The following STRA6 variants were observed in gnomAD, a reference collection of about 807,000 sequenced individuals.
STRA6 encodes the protein signaling receptor and transporter of retinol STRA6, also known as receptor for retinol uptake STRA6.
In STRA6, 48 loss-of-function variants were observed where a neutral mutation model predicts 83.6. The ratio of observed to expected loss-of-function variants is 0.57; its 90% CI spans 0.46 to 0.73. The LOEUF (loss-of-function observed/expected upper bound fraction) is 0.73. STRA6 is among the 30% of genes least tolerant of loss of function. The probability of loss-of-function intolerance (pLI) is 0.00; values close to 1 mark genes in which losing one functional copy is unlikely to be tolerated. For synonymous variants in STRA6, 353 were observed against 362.3 expected (o/e 0.97, Z 0.29); for missense variants, 760 against 838.8 (o/e 0.91, Z 1.16).
chr15:74,211,126 T>A (rs2629727), upstream of STRA6, among the ~76,000 whole-genome samples: 72,851 of 134,986 alleles, frequency 0.54, 18,048 homozygotes, highest in South Asian at 0.74. Context: ...TTGCCAGAGA[T>A]TCCCCCCCAC....
intron 2 of STRA6, 66 bp from the exon 3 acceptor site, chr15:74,197,884 G>T (rs2073894865): frequency 3.4e-5 from 53 of 1,546,960 alleles, no homozygotes; most frequent in Non-Finnish European, 4.7e-5. Flanking sequence ...GATGGGTCTG[G>T]GGTTCAAGAC....
intron 6 of STRA6, 47 bp from the exon 7 acceptor site, chr15:74,195,515 T>A (rs903206098): frequency 6.2e-7 from 1 of 1,604,522 alleles, no homozygotes; most frequent in Non-Finnish European, 8.5e-7. Context: ...GGGGCAGACA[T>A]GGGGCCTGCA....
intron 2 of STRA6, among the ~76,000 whole-genome samples, chr15:74,198,169 C>T (rs1414585252): frequency 1.3e-5 from 2 of 151,760 alleles, no homozygotes; most frequent in African/African-American, 2.4e-5. Flanking sequence ...TGCAGTGGCT[C>T]GATCTCGGCT....
intron 4 of STRA6, 131 bp downstream of exon 4, chr15:74,197,207 C>T: frequency 1.5e-6 from 1 of 679,804 alleles, no homozygotes; most frequent in South Asian, 1.8e-5. Flanking sequence ...AGGAAAGCTC[C>T]AGGCTGAGGG....
chr15:74,188,382 C>T lies in STRA6; in HGVS notation c.1090+733G>A, dbSNP rs73431469. On this transcript the variant is annotated intron_variant, in intron 12 of 18. Coordinates refer to ENST00000395105, the MANE Select transcript of STRA6 (RefSeq NM_022369.4). The surrounding 1 kb of genome is among the most constrained non-coding windows in gnomAD (Gnocchi z 4.5). ...CAAGTAAGCAGAAGGCGCATGCCTC[C>T]TGAGTCCTCAGCACCGGGCTTTGTC... Among the ~76,000 whole-genome samples, 3,437 of 152,356 alleles carry T rather than the reference C, an allele frequency of 0.023. 142 individuals are homozygous for T. Among genetic ancestry groups the T allele is most frequent in the African/African-American group, 0.077 (3,209 of 41,576 alleles).
chr15:74,180,731 TAGA>T (rs1567176385), intron 18 of STRA6, 48 bp downstream of exon 18: 1 of 1,563,162 alleles, frequency 6.4e-7, no homozygotes, highest in Non-Finnish European at 8.7e-7. Context: ...ACATCCTTCC[TAGA>T]AGAAGCTGGG....
chr15:74,210,492 T>G (rs573519514), upstream of STRA6, among the ~76,000 whole-genome samples: 1 of 152,354 alleles, frequency 6.6e-6, no homozygotes, highest in East Asian at 1.9e-4. Context: ...CATATGTGTA[T>G]GTATGTGTGT....
At chr15:74,196,481 C>G (rs2073828795) in intron 4 of STRA6, among the ~76,000 whole-genome samples, 1 of 152,216 alleles carries the variant, frequency 6.6e-6, no homozygotes, top group East Asian at 1.9e-4. Context: ...CTCAGCGAGT[C>G]ACAACATCCT....
chr15:74,207,471 C>T (rs1232183812), upstream of STRA6, among the ~76,000 whole-genome samples: 1 of 152,146 alleles, frequency 6.6e-6, no homozygotes, highest in Non-Finnish European at 1.5e-5. Flanking sequence ...TCTGGCAAAT[C>T]AACCACAGAT....
intron 4 of STRA6, among the ~76,000 whole-genome samples, chr15:74,196,476 C>T (rs2142056471): frequency 6.6e-6 from 1 of 152,306 alleles, no homozygotes; most frequent in Non-Finnish European, 1.5e-5. Context: ...GAGAACTCAG[C>T]GAGTCACAAC....
upstream of STRA6, chr15:74,209,416 GGGAACCACCAGCTC>G (rs1386997061): frequency 2.0e-6 from 3 of 1,535,518 alleles, no homozygotes; most frequent in African/African-American, 4.1e-5. Flanking sequence ...ATTGCCAGAG[GGGAACCACCAGCTC>G]GGCTCTTAAT....
chr15:74,204,624 C>T (rs556003833), upstream of STRA6, among the ~76,000 whole-genome samples: 1 of 152,348 alleles, frequency 6.6e-6, no homozygotes, highest in African/African-American at 2.4e-5. Flanking sequence ...GGTTAGACAT[C>T]CTTGCCTATC....
chr15:74,205,562 C>T (rs1358889358), upstream of STRA6, among the ~76,000 whole-genome samples: 1 of 152,228 alleles, frequency 6.6e-6, no homozygotes, highest in Non-Finnish European at 1.5e-5. Context: ...AAACACCACA[C>T]ACCAGGCCTC....
At chr15:74,209,117 G>T, upstream of STRA6, 1 of 1,320,840 alleles carries the variant, frequency 7.6e-7, no homozygotes, top group Non-Finnish European at 9.7e-7. Context: ...TTGATTCCGG[G>T]ATCAGAGGAA....
Position 74,202,780 on chromosome 15 carries a change from C to T in STRA6, c.-83G>A, listed in dbSNP as rs954180650. 8 of 1,154,962 alleles carry T rather than the reference C, an allele frequency of 6.9e-6. No homozygotes were observed. Among genetic ancestry groups the T allele is most frequent in the Non-Finnish European group, 4.3e-6 (4 of 939,144 alleles). The allele number at this position is 1,154,962 out of a possible 1,614,324, so 71.5% of individuals were successfully genotyped here. ...GGTAGGCAGCCCACGGCCAGCTCCG[C>T]ACTGCCTGCCTGGGCCCTCCCAGCT... On this transcript the variant is annotated 5_prime_UTR_variant, in exon 1 of 19. Transcript: ENST00000395105.
chr15:74,191,566 A>C (rs2073541172), intron 8 of STRA6, 75 bp from the exon 9 acceptor site: 13 of 1,317,044 alleles, frequency 9.9e-6, no homozygotes, highest in Admixed American at 3.4e-5. Flanking sequence ...TCAGGGAACT[A>C]GAGTGTTCAC....
At chr15:74,200,331 C>A (rs967037777) in intron 2 of STRA6, among the ~76,000 whole-genome samples, 1 of 152,182 alleles carries the variant, frequency 6.6e-6, no homozygotes, top group Non-Finnish European at 1.5e-5. Flanking sequence ...CGACAGGCAG[C>A]GTGGCTGGGG....
chr15:74,195,943 A>G, intron 5 of STRA6, 65 bp downstream of exon 5: 1 of 1,604,342 alleles, frequency 6.2e-7, no homozygotes, highest in Non-Finnish European at 8.5e-7. Flanking sequence ...CAAGCTTAAA[A>G]CTCCGAGACC....
At chr15:74,183,128 T>C (rs1287717244) in intron 14 of STRA6, 1 of 162,038 alleles carries the variant, frequency 6.2e-6, no homozygotes, top group Non-Finnish European at 1.4e-5. Flanking sequence ...GTCAGAAACT[T>C]GGGGCTGGTA....
Sources: gnomAD v4.1 joint callset for allele counts (sites outside exome capture counted in the v4.1 genomes callset) on GRCh38, gnomAD v4.1.1 for gene constraint, Gnocchi (gnomAD v3.1) non-coding constraint, MANE v1.5 for transcripts, NCBI Gene and HGNC (gene_info 2026-07-23, HGNC 2026-07-21) for gene names.